The following WDR4 variants were observed in gnomAD, a reference collection of about 807,000 sequenced individuals.
WDR4 encodes the protein WDR4 tRNA N7-guanosine methyltransferase non-catalytic subunit, also known as tRNA (guanine-N(7)-)-methyltransferase non-catalytic subunit WDR4.
In WDR4, 47 loss-of-function variants were observed where a neutral mutation model predicts 48.6. That is an observed-to-expected ratio of 0.97 (90% CI 0.77 to 1.23). The LOEUF (loss-of-function observed/expected upper bound fraction) is 1.23. Among genes scored for constraint, WDR4 ranks in the 50% most tolerant of loss-of-function variants. The pLI is 0.00. For synonymous variants in WDR4, 268 were observed against 230.0 expected (o/e 1.17, Z -1.49); for missense variants, 606 against 551.6 (o/e 1.10, Z -0.99).
At chr21:42,886,648 G>A in the WDR4 span, among the ~76,000 whole-genome samples, 1 of 152,230 alleles carries the variant, frequency 6.6e-6, no homozygotes, top group African/African-American at 2.4e-5. Flanking sequence ...GGAGGAGCGG[G>A]GAGCCCCTGC....
intron 6 of WDR4, among the ~76,000 whole-genome samples, chr21:42,859,083 T>C (rs953592500): frequency 6.6e-6 from 1 of 152,070 alleles, no homozygotes. Context: ...CAGGACCCAA[T>C]TGCTGGGACA....
Position 42,862,467 on chromosome 21 carries a change from A to C in WDR4, c.454-73T>G. The C allele has an allele frequency of 7.1e-7, 1 of 1,416,862 alleles. No individual in the cohort carries two copies. Among genetic ancestry groups the C allele is most frequent in the Non-Finnish European group, 9.7e-7 (1 of 1,035,054 alleles). The allele number at this position is 1,416,862 out of a possible 1,614,324, so 87.8% of individuals were successfully genotyped here. On this transcript the variant is annotated intron_variant, in intron 4 of 10. Coordinates refer to ENST00000398208, the MANE Select transcript of WDR4 (RefSeq NM_018669.6). This position sits in a 1 kb window ranked among gnomAD's most constrained non-coding sequence, Gnocchi z 4.3. ...CCCGAATCAAGTCCCTCATGGAAGAAGGCAGGGAAGCTGCAGCCTGGCCGC... is the reference window on the plus strand; with the variant it reads ...CCCGAATCAAGTCCCTCATGGAAGACGGCAGGGAAGCTGCAGCCTGGCCGC...
intron 1 of WDR4, chr21:42,879,166 A>T (rs995735081): frequency 1.5e-6 from 2 of 1,316,036 alleles, no homozygotes; most frequent in Non-Finnish European, 1.9e-6. Flanking sequence ...CCAGCCATCT[A>T]GTGCAAGGAG....
intron 5 of WDR4, 150 bp from the exon 6 acceptor site, chr21:42,859,872 G>A (rs987911397): frequency 1.5e-5 from 12 of 816,246 alleles, no homozygotes; most frequent in Admixed American, 7.0e-5. Flanking sequence ...GGAAGTAGCT[G>A]TTAACCCTAA....
chr21:42,846,047 G>A (rs1327125352), downstream of WDR4, among the ~76,000 whole-genome samples: 3 of 152,138 alleles, frequency 2.0e-5, no homozygotes, highest in African/African-American at 4.8e-5. Flanking sequence ...TGGGAGGATC[G>A]CTTGAGCCCA....
At chr21:42,845,051 C>T (rs1021962455), downstream of WDR4, among the ~76,000 whole-genome samples, 3 of 152,214 alleles carry the variant, frequency 2.0e-5, no homozygotes, top group African/African-American at 7.2e-5. Flanking sequence ...GAGAAGGGTG[C>T]ACTGGGCACG....
At chr21:42,846,604 C>CT (rs2057713305), downstream of WDR4, among the ~76,000 whole-genome samples, 2 of 152,090 alleles carry the variant, frequency 1.3e-5, no homozygotes, top group Non-Finnish European at 2.9e-5. Context: ...TCCCAGCACT[C>CT]TGGGAGGCCA....
intron 5 of WDR4, among the ~76,000 whole-genome samples, chr21:42,860,714 T>G (rs918790569): frequency 2.6e-5 from 4 of 152,142 alleles, no homozygotes; most frequent in Non-Finnish European, 5.9e-5. Context: ...TTCTCAACGG[T>G]TTGAAAGGCC....
At chr21:42,852,407 A>T in intron 9 of WDR4, 83 bp from the exon 10 acceptor site, 1 of 1,479,338 alleles carries the variant, frequency 6.8e-7, no homozygotes, top group East Asian at 2.4e-5. Context: ...TGCTGGCCAG[A>T]GAGGCTTGCA....
At chr21:42,846,992 T>G (rs2057716278), downstream of WDR4, among the ~76,000 whole-genome samples, 1 of 151,470 alleles carries the variant, frequency 6.6e-6, no homozygotes, top group African/African-American at 2.4e-5. Context: ...GAGCCGAGAT[T>G]GTGCCACCGC....
At chr21:42,867,129 G>A (rs1200393043) in intron 3 of WDR4, among the ~76,000 whole-genome samples, 1 of 152,192 alleles carries the variant, frequency 6.6e-6, no homozygotes, top group Non-Finnish European at 1.5e-5. Context: ...AGTGGCTCAC[G>A]CCTCTAATCC....
the WDR4 span, among the ~76,000 whole-genome samples, chr21:42,890,580 C>A: frequency 6.6e-6 from 1 of 152,134 alleles, no homozygotes; most frequent in African/African-American, 2.4e-5. Flanking sequence ...CAAGGGGGAG[C>A]CTCTAGTAGT....
intron 1 of WDR4, among the ~76,000 whole-genome samples, chr21:42,878,284 T>C (rs1424272562): frequency 1.3e-5 from 2 of 152,124 alleles, no homozygotes; most frequent in African/African-American, 2.4e-5. Flanking sequence ...TTATAGCCTT[T>C]AAAGCGAGTG....
downstream of WDR4, among the ~76,000 whole-genome samples, chr21:42,848,911 A>G (rs111167047): frequency 0.013 from 627 of 49,574 alleles, 67 homozygotes; most frequent in Non-Finnish European, 0.019. Context: ...CTCACACAGC[A>G]CACGATCACG....
chr21:42,864,719 G>A (rs993355821), intron 3 of WDR4, among the ~76,000 whole-genome samples: 2 of 152,174 alleles, frequency 1.3e-5, no homozygotes, highest in African/African-American at 4.8e-5. Context: ...CCTCTCCTTC[G>A]CCAGGGCTCA....
chr21:42,876,539 TA>T (rs1169455717), intron 2 of WDR4, among the ~76,000 whole-genome samples, 162 bp downstream of exon 2: 1 of 152,168 alleles, frequency 6.6e-6, no homozygotes, highest in Non-Finnish European at 1.5e-5. Context: ...ATGCCTAACC[TA>T]AAAGTTACTT....
rs1388004312 is a variant in WDR4, at chr21:42,856,764, TGCACACACACACGCATGCACATACACAC to T, written c.628-1012_628-985del. 2.6e-5 allele frequency among the ~76,000 whole-genome samples: 4 copies of T among 152,174 alleles called. No individual in the cohort carries two copies. The East Asian group carries it at 7.7e-4, about 29-fold the overall frequency. The stretch of plus-strand genomic sequence containing the variant: ...GCCGAGGTAAGAGTGGATGTATGAA[TGCACACACACACGCATGCACATACACAC>T]GCACACACACACACCTTTCTACAAA... On this transcript the variant is annotated intron_variant, in intron 6 of 10. Transcript: ENST00000398208.
chr21:42,875,796 TTA>T (rs1278831389), intron 2 of WDR4, among the ~76,000 whole-genome samples: 2 of 152,300 alleles, frequency 1.3e-5, no homozygotes, highest in Middle Eastern at 3.4e-3. Flanking sequence ...TGCTCTACTT[TTA>T]TATCTCAATT....
At chr21:42,877,958 TG>T (rs2058536760) in intron 1 of WDR4, among the ~76,000 whole-genome samples, 2 of 143,070 alleles carry the variant, frequency 1.4e-5, no homozygotes, top group Admixed American at 1.5e-4. Flanking sequence ...GGCAGGAGAA[TG>T]GCGTGAACCC....
Sources: allele counts gnomAD v4.1 joint callset (sites outside exome capture counted in the v4.1 genomes callset), GRCh38; gene constraint gnomAD v4.1.1; non-coding constraint Gnocchi (gnomAD v3.1); transcripts MANE v1.5; gene names NCBI Gene and HGNC (gene_info 2026-07-23, HGNC 2026-07-21).